The following SRRM4 variants were observed in gnomAD, a reference collection of about 807,000 sequenced individuals.
SRRM4 encodes serine/arginine repetitive matrix protein 4.
SRRM4 carries 33 observed loss-of-function variants against 68.9 expected under a neutral mutation model. The ratio of observed to expected loss-of-function variants is 0.48; its 90% CI spans 0.36 to 0.64. SRRM4 has a LOEUF of 0.64. SRRM4 is among the 30% of genes least tolerant of loss of function. The pLI, the probability that SRRM4 is intolerant of heterozygous loss-of-function variation, is 0.00. For missense variants in SRRM4, 817 were observed against 827.1 expected, an observed-to-expected ratio of 0.99 and a Z score of 0.15; for synonymous variants, 318 against 318.8, an observed-to-expected ratio of 1.00 and a Z score of 0.03.
chr12:119,079,540 G>C (rs1376315497), intron 1 of SRRM4, among the ~76,000 whole-genome samples: 1 of 152,144 alleles, frequency 6.6e-6, no homozygotes, highest in Non-Finnish European at 1.5e-5. Flanking sequence ...ATCTTCCCCA[G>C]CCTCGTGTGT....
intron 8 of SRRM4, among the ~76,000 whole-genome samples, chr12:119,142,203 T>C (rs1451049547): frequency 3.9e-5 from 6 of 152,200 alleles, no homozygotes; most frequent in Admixed American, 3.9e-4. Context: ...AGAGTTTAGA[T>C]CCATTCAAAG....
At chr12:119,122,232 G>A (rs1304312175) in intron 6 of SRRM4, 112 bp downstream of exon 6, 2 of 604,224 alleles carry the variant, frequency 3.3e-6, no homozygotes, top group Admixed American at 5.4e-5. Context: ...GGAGGAGAAG[G>A]TGAGCGGGTG....
chr12:119,146,602 TG>T (rs1390659165), intron 9 of SRRM4, among the ~76,000 whole-genome samples: 1 of 139,076 alleles, frequency 7.2e-6, no homozygotes, highest in Non-Finnish European at 1.6e-5. Flanking sequence ...AAAAAAAAAA[TG>T]AAAGAAAGTC....
At position 119,151,026 on chromosome 12, in the gene SRRM4, G is replaced by A. The variant is rs1282475511; in HGVS notation, c.1086G>A (p.Gln362=). Residue 362 remains glutamine, a synonymous_variant, in exon 10 of 13, where the codon CAG becomes CAA. Coordinates refer to ENST00000267260, the MANE Select transcript of SRRM4 (RefSeq NM_194286.4). ...TSRGRESRGF[Q]SPCLECAEVK... The stretch of plus-strand genomic sequence containing the variant: ...ATTTTCCCACCTGCAGGGGATTTCA[G>A]TCACCGTGTCTGGAATGTGCCGAAG... 6.2e-7 allele frequency: 1 copy of A among 1,613,956 alleles called. No homozygotes were observed. Among genetic ancestry groups the A allele is most frequent in the Non-Finnish European group, 8.5e-7 (1 of 1,179,872 alleles).
At chr12:118,984,799 A>T (rs1273073271) in intron 1 of SRRM4, among the ~76,000 whole-genome samples, 2 of 152,166 alleles carry the variant, frequency 1.3e-5, no homozygotes, top group African/African-American at 2.4e-5. Flanking sequence ...ATGTCAGAAC[A>T]GTAGAGCAGA....
At chr12:119,103,481 A>C (rs1412583314) in intron 2 of SRRM4, among the ~76,000 whole-genome samples, 1 of 151,942 alleles carries the variant, frequency 6.6e-6, no homozygotes, top group Non-Finnish European at 1.5e-5. Context: ...AAGTGGAGTA[A>C]TTTTCAAAAA....
At chr12:119,060,604 T>C (rs1326871998) in intron 1 of SRRM4, among the ~76,000 whole-genome samples, 1 of 151,860 alleles carries the variant, frequency 6.6e-6, no homozygotes, top group African/African-American at 2.4e-5. Context: ...GTATTATCTG[T>C]AATTTCTTTC....
intron 1 of SRRM4, among the ~76,000 whole-genome samples, chr12:119,093,977 C>T (rs987098840): frequency 6.6e-6 from 1 of 152,104 alleles, no homozygotes; most frequent in Non-Finnish European, 1.5e-5. Context: ...GTTCAAAACC[C>T]GGTCAGGTTG....
Position 119,114,321 on chromosome 12 carries a change from G to A in SRRM4, c.322G>A (p.Gly108Arg), listed in dbSNP as rs752281239. 2 of 1,612,016 alleles carry A rather than the reference G, an allele frequency of 1.2e-6. No individual in the cohort carries two copies. Among genetic ancestry groups the A allele is most frequent in the South Asian group, 1.1e-5 (1 of 90,426 alleles). The change falls in exon 3 of 13, where the codon GGA (glycine) becomes AGA (arginine). Residue 108 changes from glycine to arginine, a missense_variant. Coordinates refer to ENST00000267260, the MANE Select transcript of SRRM4 (RefSeq NM_194286.4). ...CTTGACACCACCACCTTCCTCCAGGGGAAAGAAGAAAAAGAAGAAATCCAC... is the reference window on the plus strand; with the variant it reads ...CTTGACACCACCACCTTCCTCCAGGAGAAAGAAGAAAAAGAAGAAATCCAC... ...KDLTPPPSSR[G>R]KKKKKKSTRK...
chr12:119,144,011 T>C (rs886516498), intron 8 of SRRM4, among the ~76,000 whole-genome samples: 14 of 152,168 alleles, frequency 9.2e-5, no homozygotes, highest in African/African-American at 3.4e-4. Context: ...CAGGTCTGAA[T>C]ATTTAAAGAA....
chr12:119,013,181 G>C (rs1357183185), intron 1 of SRRM4, among the ~76,000 whole-genome samples: 1 of 152,068 alleles, frequency 6.6e-6, no homozygotes, highest in Non-Finnish European at 1.5e-5. Flanking sequence ...CAATCAGGCT[G>C]TTTCCTTTCT....
At chr12:119,094,540 A>G (rs1954031596) in intron 1 of SRRM4, among the ~76,000 whole-genome samples, 1 of 152,070 alleles carries the variant, frequency 6.6e-6, no homozygotes. Flanking sequence ...TGTCTGTTCT[A>G]ACTTACTGCA....
rs199792769 is a variant in SRRM4, at chr12:119,145,680, G to C, written c.1071G>C (p.Glu357Asp). The C allele has an allele frequency of 2.6e-6, 4 of 1,519,264 alleles. No homozygotes were observed. The Admixed American group carries it at 8.9e-5, about 34-fold the overall frequency. The allele number at this position is 1,519,264 out of a possible 1,614,324, so 94.1% of individuals were successfully genotyped here. Reference protein sequence around the residue: ...ENLSPTSRGRESRGFQSPCLE... With the variant: ...ENLSPTSRGRDSRGFQSPCLE... ...TCTCCCCCACCAGCAGGGGCAGAGA[G>C]TCAAGGTCAGTGCACCACACAGGGT... is the stretch of plus-strand genomic sequence containing the variant. Residue 357 changes from glutamate (E) to aspartate (D), a missense_variant, in exon 9 of 13, where the codon GAG becomes GAC. By Grantham distance (45) the Glu-to-Asp change is conservative (BLOSUM62 2). Transcript: ENST00000267260.
intron 1 of SRRM4, among the ~76,000 whole-genome samples, chr12:119,099,060 G>T (rs746399320): frequency 2.6e-5 from 4 of 152,022 alleles, no homozygotes; most frequent in Non-Finnish European, 4.4e-5. Flanking sequence ...GAGCCCCAAA[G>T]GTCTTCCCAT....
chr12:119,103,898 G>A (rs749084674), intron 2 of SRRM4, among the ~76,000 whole-genome samples: 2 of 152,188 alleles, frequency 1.3e-5, no homozygotes, highest in Non-Finnish European at 2.9e-5. Flanking sequence ...CAGCACTCTG[G>A]AGGCTGAGGC....
chr12:119,130,486 A>C (rs1310929528), intron 7 of SRRM4, among the ~76,000 whole-genome samples, 192 bp from the exon 8 acceptor site: 2 of 152,132 alleles, frequency 1.3e-5, no homozygotes, highest in Non-Finnish European at 2.9e-5. Flanking sequence ...TGAATGAATA[A>C]ATAAATGAAT....
chr12:119,026,924 A>T (rs867712835), intron 1 of SRRM4, among the ~76,000 whole-genome samples: 1 of 152,206 alleles, frequency 6.6e-6, no homozygotes, highest in Non-Finnish European at 1.5e-5. Context: ...GTGTAAACTA[A>T]TCATGGTAAT....
intron 2 of SRRM4, among the ~76,000 whole-genome samples, chr12:119,104,436 CAGT>C (rs1437810429): frequency 6.9e-6 from 1 of 145,522 alleles, no homozygotes; most frequent in Admixed American, 7.0e-5. Flanking sequence ...ATAATAATAA[CAGT>C]GATAATAAAA....
At chr12:119,088,297 C>T (rs1953991904) in intron 1 of SRRM4, among the ~76,000 whole-genome samples, 1 of 152,238 alleles carries the variant, frequency 6.6e-6, no homozygotes, top group Non-Finnish European at 1.5e-5. Context: ...TCACTGGGGC[C>T]AGTCCCCTGA....
Sources: allele counts gnomAD v4.1 joint callset (sites outside exome capture counted in the v4.1 genomes callset), GRCh38; gene constraint gnomAD v4.1.1; transcripts MANE v1.5; gene names NCBI Gene and HGNC (gene_info 2026-07-23, HGNC 2026-07-21).